Variants in ATP2C2 observed in about 807,000 individuals in gnomAD.
The protein encoded by ATP2C2 is ATPase secretory pathway Ca2+ transporting 2, also known as calcium-transporting ATPase type 2C member 2.
In ATP2C2, 171 loss-of-function variants were observed where a neutral mutation model predicts 110.8. That is an observed-to-expected ratio of 1.54 (90% CI 1.36 to 1.75). The LOEUF is 1.75. Ranked by LOEUF, ATP2C2 falls within the 40% of genes most tolerant of loss-of-function variation. The pLI is 0.00. For synonymous variants in ATP2C2, 804 were observed against 508.4 expected (o/e 1.58, Z -7.82); for missense variants, 1,963 against 1,235.0 (o/e 1.59, Z -8.84).
chr16:84,438,798 C>T (rs779606726), intron 11 of ATP2C2, among the ~76,000 whole-genome samples: 2 of 152,198 alleles, frequency 1.3e-5, no homozygotes, highest in East Asian at 1.9e-4. Context: ...ACTCTTAATC[C>T]CACTTACTGT....
chr16:84,404,795 T>C, intron 2 of ATP2C2: 1 of 363,182 alleles, frequency 2.8e-6, no homozygotes, highest in Non-Finnish European at 5.3e-6. Context: ...TGCACCATTT[T>C]ACATTCCCAA....
chr16:84,463,275 C>T (rs534941950), intron 26 of ATP2C2, among the ~76,000 whole-genome samples: 19 of 152,170 alleles, frequency 1.2e-4, no homozygotes, highest in African/African-American at 4.3e-4. Context: ...ACTGGTCACT[C>T]AGGACATTTG....
intron 2 of ATP2C2, among the ~76,000 whole-genome samples, chr16:84,399,236 A>G (rs949368470): frequency 6.6e-6 from 1 of 152,214 alleles, no homozygotes; most frequent in Non-Finnish European, 1.5e-5. Flanking sequence ...ACATACTACA[A>G]TTTCAGGAAG....
Position 84,408,458 on chromosome 16 carries a change from C to G in ATP2C2, c.381C>G (p.Leu127=), listed in dbSNP as rs180963558. 1 of 1,613,798 alleles carries G rather than the reference C, an allele frequency of 6.2e-7. No homozygotes were observed. Among genetic ancestry groups the G allele is most frequent in the Admixed American group, 1.7e-5 (1 of 60,012 alleles). ...TGGGCTCTGCCCTGGTGAGTGTCCT[C>G]ACCAAGGAGTATGAGGACGCCGTCA... ...LLLGSALVSV[L]TKEYEDAVSI... Residue 127 remains leucine (L), a synonymous_variant, in exon 4 of 27, where the codon CTC becomes CTG. Coordinates refer to ENST00000262429, the MANE Select transcript of ATP2C2 (RefSeq NM_014861.4).
At chr16:84,426,113 G>A (rs971922218) in intron 11 of ATP2C2, 3 of 323,698 alleles carry the variant, frequency 9.3e-6, no homozygotes, top group African/African-American at 4.3e-5. Context: ...ATTGGCCTAT[G>A]GTTCTACAGG....
chr16:84,372,612 A>C (rs1315358925), intron 1 of ATP2C2, among the ~76,000 whole-genome samples: 1 of 151,642 alleles, frequency 6.6e-6, no homozygotes, highest in Non-Finnish European at 1.5e-5. Flanking sequence ...TTTAGTAGAG[A>C]TGGGGGTTTC....
At chr16:84,410,416 TG>T in intron 4 of ATP2C2, 151 bp from the exon 5 acceptor site, 1 of 865,442 alleles carries the variant, frequency 1.2e-6, no homozygotes, top group Non-Finnish European at 1.9e-6. Flanking sequence ...CCTGCTCTTT[TG>T]GCTAGTATAT....
chr16:84,430,704 C>A (rs1330477063), intron 11 of ATP2C2, among the ~76,000 whole-genome samples: 1 of 150,930 alleles, frequency 6.6e-6, no homozygotes, highest in African/African-American at 2.4e-5. Context: ...GGACCAGGGT[C>A]TTTTGGTGCT....
At chr16:84,412,650 G>T (rs16963593) in intron 6 of ATP2C2, among the ~76,000 whole-genome samples, 2,554 of 152,170 alleles carry the variant, frequency 0.017, 59 homozygotes, top group African/African-American at 0.054. Flanking sequence ...TTTTAGCATA[G>T]CAGTGGTCCA....
At chr16:84,399,111 C>A (rs577168275) in intron 2 of ATP2C2, among the ~76,000 whole-genome samples, 152 of 152,198 alleles carry the variant, frequency 1.0e-3, no homozygotes, top group Non-Finnish European at 1.8e-3. Flanking sequence ...CTGGCCAGTG[C>A]AAGACAAACA....
chr16:84,389,373 C>T (rs747910253), intron 1 of ATP2C2, among the ~76,000 whole-genome samples: 2 of 152,202 alleles, frequency 1.3e-5, no homozygotes, highest in Non-Finnish European at 2.9e-5. Flanking sequence ...CCCAGGAGGG[C>T]GTGACCACCA....
At position 84,461,588 on chromosome 16, in the gene ATP2C2, G is replaced by C. The variant is rs755424946; in HGVS notation, c.2482-126G>C. The C allele has an allele frequency of 7.2e-6, 6 of 828,240 alleles. No homozygotes were observed. In the East Asian group the frequency reaches 1.2e-4, roughly 17 times the overall value. 51.3% of individuals were successfully genotyped at this position (828,240 alleles called of 1,614,324 possible). ...CACACCTGGAGGAAGCTGTGTGACC[G>C]ATTCATGAGCTTGTAAGTGGCTCCC... is the stretch of plus-strand genomic sequence containing the variant. On this transcript the variant is annotated intron_variant, in intron 24 of 26. Transcript: ENST00000262429.
chr16:84,459,485 A>C (rs778447712), intron 23 of ATP2C2, 99 bp downstream of exon 23: 6 of 1,595,322 alleles, frequency 3.8e-6, no homozygotes, highest in Non-Finnish European at 4.3e-6. Context: ...GGGATGAACA[A>C]ATACAGCCAC....
chr16:84,454,056 G>T (rs570802798), intron 20 of ATP2C2, among the ~76,000 whole-genome samples: 1 of 152,272 alleles, frequency 6.6e-6, no homozygotes, highest in Non-Finnish European at 1.5e-5. Flanking sequence ...GGCCAGGCTG[G>T]TCTCAAACTC....
intron 1 of ATP2C2, among the ~76,000 whole-genome samples, chr16:84,388,545 C>G (rs1904455193): frequency 6.6e-6 from 1 of 152,088 alleles, no homozygotes; most frequent in African/African-American, 2.4e-5. Context: ...TAGAGAATAC[C>G]CAGATCTGTG....
At chr16:84,398,659 T>G (rs778141393) in intron 2 of ATP2C2, 50 bp downstream of exon 2, 3 of 1,450,046 alleles carry the variant, frequency 2.1e-6, no homozygotes, top group Non-Finnish European at 2.8e-6. Flanking sequence ...GTTTTATGTT[T>G]AAAAGAAAGC....
At chr16:84,385,652 G>A (rs544611582) in intron 1 of ATP2C2, among the ~76,000 whole-genome samples, 5 of 152,152 alleles carry the variant, frequency 3.3e-5, no homozygotes, top group Admixed American at 6.5e-5. Context: ...TCACAGTTCC[G>A]CATGTCTGGG....
chr16:84,410,903 C>A, intron 6 of ATP2C2, 138 bp downstream of exon 6: 1 of 815,990 alleles, frequency 1.2e-6, no homozygotes, highest in Non-Finnish European at 2.0e-6. Flanking sequence ...GTTCTAAGGC[C>A]TGGTCTCCGC....
chr16:84,423,137 A>G, intron 9 of ATP2C2, 51 bp from the exon 10 acceptor site: 1 of 1,504,926 alleles, frequency 6.6e-7, no homozygotes, highest in Non-Finnish European at 9.2e-7. Flanking sequence ...GAACAAAGGC[A>G]GGCAGAAGCT....
Sources: allele counts gnomAD v4.1 joint callset (sites outside exome capture counted in the v4.1 genomes callset), GRCh38; gene constraint gnomAD v4.1.1; transcripts MANE v1.5; gene names NCBI Gene and HGNC (gene_info 2026-07-23, HGNC 2026-07-21).